The following EBF1 variants were observed in gnomAD, a reference collection of about 807,000 sequenced individuals.
The protein encoded by EBF1 is transcription factor COE1.
A neutral mutation model predicts 68.4 loss-of-function variants in EBF1; 10 were observed. That is an observed-to-expected ratio of 0.15 (90% CI 0.09 to 0.25). EBF1 has a LOEUF of 0.25. Among genes scored for constraint, EBF1 ranks in the 10% least tolerant of loss-of-function variants. EBF1 has a pLI of 1.00. For synonymous variants in EBF1, 298 were observed against 299.8 expected (o/e 0.99, Z 0.06); for missense variants, 509 against 794.4 (o/e 0.64, Z 4.32).
intron 6 of EBF1, among the ~76,000 whole-genome samples, chr5:158,843,648 C>A (rs970888044): frequency 6.6e-6 from 1 of 152,214 alleles, no homozygotes; most frequent in African/African-American, 2.4e-5. Context: ...GTGGAAAAGA[C>A]GCTCTGAAGG....
At chr5:158,809,139 A>T (rs1268923614) in intron 8 of EBF1, among the ~76,000 whole-genome samples, 2 of 152,178 alleles carry the variant, frequency 1.3e-5, no homozygotes, top group Non-Finnish European at 2.9e-5. Flanking sequence ...CTGGGTAGAC[A>T]GTACTCTGCA....
intron 6 of EBF1, among the ~76,000 whole-genome samples, chr5:158,964,414 T>C (rs971235487): frequency 3.3e-5 from 5 of 152,020 alleles, no homozygotes; most frequent in Admixed American, 3.3e-4. Flanking sequence ...CCGAGTAGGG[T>C]TAAGACTGGA....
At chr5:158,926,799 C>A (rs1195425101) in intron 6 of EBF1, among the ~76,000 whole-genome samples, 1 of 151,454 alleles carries the variant, frequency 6.6e-6, no homozygotes, top group Admixed American at 6.6e-5. Flanking sequence ...TGGTCCACAG[C>A]AATGAAAATG....
rs377471339 is a variant in EBF1 at position 159,095,640 on chromosome 5, T to C, written c.391A>G (p.Ile131Val). The change falls in exon 4 of 16, where the codon ATT becomes GTT. Residue 131 changes from isoleucine (I) to valine (V), a missense_variant. Transcript: ENST00000313708. Reference protein sequence around the residue: ...RTEQDFYVRLIDSMTKQAIVY... With the variant: ...RTEQDFYVRLVDSMTKQAIVY... ...CTTACTTGTTTTGTCATGGAGTCAA[T>C]GAGGCGCACGTAGAAATCCTGCTCC... 3.7e-5 allele frequency: 59 copies of C among 1,614,012 alleles called. No individual in the cohort carries two copies. The highest frequency in any genetic ancestry group is 4.7e-5 in the Non-Finnish European group (56 of 1,179,906).
rs557865200 is a variant in EBF1, at chr5:158,735,010, T to C, written c.1037-3853A>G. ...TAAAATGGGGCCAATGTATGCATTT[T>C]AAAAATTCCAAAAGACATTAAATTA... On this transcript the variant is annotated intron_variant, in intron 10 of 15. Coordinates refer to ENST00000313708, the MANE Select transcript of EBF1 (RefSeq NM_024007.5). 2.0e-5 allele frequency among the ~76,000 whole-genome samples: 3 copies of C among 152,352 alleles called. No homozygotes were observed. The East Asian group carries it at 5.8e-4, about 29-fold the overall frequency.
At chr5:158,795,158 AG>A (rs1779388227) in intron 9 of EBF1, among the ~76,000 whole-genome samples, 1 of 152,226 alleles carries the variant, frequency 6.6e-6, no homozygotes, top group Non-Finnish European at 1.5e-5. Context: ...CAAGTATCAC[AG>A]TCTTAACTTT....
chr5:158,720,542 C>T (rs576310026), intron 11 of EBF1, among the ~76,000 whole-genome samples: 12 of 152,156 alleles, frequency 7.9e-5, no homozygotes, highest in African/African-American at 1.2e-4. Flanking sequence ...CACTTGGGCA[C>T]CGTTTAGTTT....
intron 5 of EBF1, among the ~76,000 whole-genome samples, chr5:159,078,390 G>A (rs942181756): frequency 2.0e-5 from 3 of 152,172 alleles, no homozygotes; most frequent in African/African-American, 4.8e-5. Context: ...AAACAATTCC[G>A]TAGATGAAAC....
intron 11 of EBF1, among the ~76,000 whole-genome samples, chr5:158,717,632 AT>A (rs567978465): frequency 0.017 from 2,533 of 147,280 alleles, 84 homozygotes; most frequent in African/African-American, 0.056. Flanking sequence ...CTATCCTTGG[AT>A]TTTTTTTTTT....
intron 10 of EBF1, among the ~76,000 whole-genome samples, chr5:158,776,803 T>C (rs1301811896): frequency 6.6e-6 from 1 of 152,188 alleles, no homozygotes; most frequent in East Asian, 1.9e-4. Flanking sequence ...AGCGTACACA[T>C]TGGGCACTCA....
At chr5:158,934,263 C>A (rs1484470889) in intron 6 of EBF1, among the ~76,000 whole-genome samples, 1 of 152,206 alleles carries the variant, frequency 6.6e-6, no homozygotes, top group Non-Finnish European at 1.5e-5. Context: ...TTCATTCATT[C>A]ATTCAACAAC....
At chr5:158,974,411 T>C (rs1382972608) in intron 6 of EBF1, among the ~76,000 whole-genome samples, 1 of 152,232 alleles carries the variant, frequency 6.6e-6, no homozygotes, top group Non-Finnish European at 1.5e-5. Flanking sequence ...TCCTCAACTC[T>C]GAACTGTCTC....
intron 1 of EBF1, 39 bp from the exon 2 acceptor site, chr5:159,097,169 C>G (rs773347800): frequency 6.3e-7 from 1 of 1,588,794 alleles, no homozygotes; most frequent in Non-Finnish European, 8.6e-7. Flanking sequence ...CTAAACCGGA[C>G]GCCGACCCGC....
intron 6 of EBF1, among the ~76,000 whole-genome samples, chr5:158,852,131 T>A (rs1028299178): frequency 6.8e-6 from 1 of 146,312 alleles, no homozygotes; most frequent in Non-Finnish European, 1.5e-5. Context: ...TTTGGAAACT[T>A]TATGCTTCAA....
intron 4 of EBF1, among the ~76,000 whole-genome samples, chr5:159,091,415 A>C (rs1296392032): frequency 6.6e-6 from 1 of 152,226 alleles, no homozygotes; most frequent in African/African-American, 2.4e-5. Flanking sequence ...CTCTATGTGC[A>C]AGGAAATTTA....
intron 6 of EBF1, among the ~76,000 whole-genome samples, chr5:159,004,368 TA>T (rs1036129594): frequency 1.3e-5 from 2 of 151,536 alleles, no homozygotes; most frequent in Non-Finnish European, 2.9e-5. Context: ...GCAAAGCACA[TA>T]CTATTATGTT....
chr5:158,851,933 GAGGGGCAGGGGA>G (rs1395144780), intron 6 of EBF1, among the ~76,000 whole-genome samples: 3 of 322 alleles, frequency 9.3e-3, no homozygotes, highest in African/African-American at 0.037. Context: ...AAGGGTAGGG[GAGGGGCAGGGGA>G]AGGGGAGGGG....
chr5:158,711,590 A>T (rs1759320733), intron 14 of EBF1, among the ~76,000 whole-genome samples: 1 of 152,226 alleles, frequency 6.6e-6, no homozygotes, highest in Admixed American at 6.5e-5. Context: ...AATCAGGTGA[A>T]ACAAGACGAA....
chr5:158,768,710 G>A (rs946502024), intron 10 of EBF1, among the ~76,000 whole-genome samples: 2 of 152,028 alleles, frequency 1.3e-5, no homozygotes, highest in East Asian at 1.9e-4. Flanking sequence ...TAAGTAAAAC[G>A]AATAATCCTC....
Sources: allele counts gnomAD v4.1 joint callset (sites outside exome capture counted in the v4.1 genomes callset), GRCh38; gene constraint gnomAD v4.1.1; transcripts MANE v1.5; gene names NCBI Gene and HGNC (gene_info 2026-07-23, HGNC 2026-07-21).